The following ATRNL1 variants were observed in gnomAD, a reference collection of about 807,000 sequenced individuals.
The protein encoded by ATRNL1 is attractin-like protein 1.
A neutral mutation model predicts 182.7 loss-of-function variants in ATRNL1; 95 were observed. The ratio of observed to expected loss-of-function variants is 0.52; its 90% confidence interval spans 0.44 to 0.62. The LOEUF (loss-of-function observed/expected upper bound fraction) is 0.62. ATRNL1 is among the 20% of genes least tolerant of loss of function. The pLI, the probability that ATRNL1 is intolerant of heterozygous loss-of-function variation, is 0.00. For missense variants in ATRNL1, 1,471 were observed against 1,679.5 expected (o/e 0.88, Z 2.17); for synonymous variants, 576 against 568.3 (o/e 1.01, Z -0.19).
At chr10:115,826,961 C>T (rs1488643725) in intron 27 of ATRNL1, among the ~76,000 whole-genome samples, 1 of 152,060 alleles carries the variant, frequency 6.6e-6, no homozygotes, top group Non-Finnish European at 1.5e-5. Context: ...CAAGTTTCAC[C>T]AGGGACCCAT....
chr10:115,792,076 A>C (rs782560189), intron 27 of ATRNL1, among the ~76,000 whole-genome samples: 40 of 152,256 alleles, frequency 2.6e-4, no homozygotes, highest in Admixed American at 9.2e-4. Flanking sequence ...TTCAGCAAGC[A>C]TACTGCTTCA....
At chr10:115,100,549 T>C (rs1843733095) in intron 1 of ATRNL1, among the ~76,000 whole-genome samples, 1 of 152,222 alleles carries the variant, frequency 6.6e-6, no homozygotes, top group African/African-American at 2.4e-5. Context: ...GCACCTTTGT[T>C]GAAACCATTC....
chr10:115,104,779 C>T (rs983039841), intron 1 of ATRNL1, among the ~76,000 whole-genome samples: 2 of 152,272 alleles, frequency 1.3e-5, no homozygotes, highest in South Asian at 2.1e-4. Context: ...CCAGTATTCC[C>T]AGCACAATTT....
chr10:115,370,949 C>T (rs1857362637), intron 19 of ATRNL1, among the ~76,000 whole-genome samples: 1 of 152,114 alleles, frequency 6.6e-6, no homozygotes, highest in Admixed American at 6.5e-5. Flanking sequence ...CTGCTGTGTC[C>T]AGTCTAGGGA....
intron 7 of ATRNL1, among the ~76,000 whole-genome samples, chr10:115,168,041 A>T (rs543193809): frequency 6.6e-6 from 1 of 152,148 alleles, no homozygotes; most frequent in Admixed American, 6.6e-5. Flanking sequence ...CTTTCTCTAT[A>T]TATTGGTCCA....
At chr10:115,291,781 A>C (rs934491546) in intron 15 of ATRNL1, among the ~76,000 whole-genome samples, 1 of 135,862 alleles carries the variant, frequency 7.4e-6, no homozygotes, top group Non-Finnish European at 1.6e-5. Flanking sequence ...GCATTGTTGC[A>C]TATGTTCATC....
chr10:115,521,418 G>C (rs1850928211), intron 25 of ATRNL1, among the ~76,000 whole-genome samples: 1 of 152,092 alleles, frequency 6.6e-6, no homozygotes, highest in Non-Finnish European at 1.5e-5. Flanking sequence ...CTCCCAAAGT[G>C]CTGGGATTAC....
intron 5 of ATRNL1, among the ~76,000 whole-genome samples, chr10:115,147,946 C>CT (rs1846044578): frequency 6.6e-6 from 1 of 151,938 alleles, no homozygotes; most frequent in African/African-American, 2.4e-5. Context: ...CTATTGGCCT[C>CT]TTTTTTGGTT....
At chr10:115,442,247 C>G (rs11197213) in intron 21 of ATRNL1, among the ~76,000 whole-genome samples, 43,386 of 142,740 alleles carry the variant, frequency 0.3, 7,730 homozygotes, top group Middle Eastern at 0.45. Context: ...TCAAACAGCG[C>G]AGCTTCATTT....
At chr10:115,798,137 T>G (rs1334686769) in intron 27 of ATRNL1, among the ~76,000 whole-genome samples, 1 of 152,130 alleles carries the variant, frequency 6.6e-6, no homozygotes, top group Non-Finnish European at 1.5e-5. Context: ...CAGGATGGTC[T>G]CGATCTCCTG....
intron 21 of ATRNL1, among the ~76,000 whole-genome samples, chr10:115,441,979 C>T (rs1846704841): frequency 6.6e-6 from 1 of 151,964 alleles, no homozygotes; most frequent in African/African-American, 2.4e-5. Context: ...CCCACCCTGT[C>T]CAAGGCACTG....
At chr10:115,715,549 C>T (rs1164880286) in intron 26 of ATRNL1, among the ~76,000 whole-genome samples, 2 of 152,138 alleles carry the variant, frequency 1.3e-5, no homozygotes, top group Non-Finnish European at 1.5e-5. Flanking sequence ...TCTTTGCCCC[C>T]AAAGGGCATT....
At chr10:115,212,549 A>G (rs1849071858) in intron 8 of ATRNL1, among the ~76,000 whole-genome samples, 1 of 152,096 alleles carries the variant, frequency 6.6e-6, no homozygotes, top group Non-Finnish European at 1.5e-5. Context: ...AGACACATGC[A>G]CATGTATGTT....
chr10:115,778,554 G>A lies in ATRNL1; in HGVS notation c.3903+51199G>A, dbSNP rs185002621. Among the ~76,000 whole-genome samples, 86 of 152,250 alleles carry A rather than the reference G, an allele frequency of 5.6e-4. No homozygotes were observed. The East Asian group carries it at 7.9e-3, about 14-fold the overall frequency. ...AAGGGATAAGAATGATCCAATGAAC[G>A]AACTAAATCATATGCATGACATCGA... is the stretch of plus-strand genomic sequence containing the variant. On this transcript the variant is annotated intron_variant, in intron 27 of 28. Coordinates refer to ENST00000355044, the MANE Select transcript of ATRNL1 (RefSeq NM_207303.4).
At chr10:115,196,938 A>T (rs1032033485) in intron 8 of ATRNL1, among the ~76,000 whole-genome samples, 1 of 152,112 alleles carries the variant, frequency 6.6e-6, no homozygotes, top group African/African-American at 2.4e-5. Flanking sequence ...TACACTACTG[A>T]GTAGAAGTAG....
At chr10:115,494,964 C>G (rs564800678) in intron 24 of ATRNL1, among the ~76,000 whole-genome samples, 2 of 152,066 alleles carry the variant, frequency 1.3e-5, no homozygotes, top group African/African-American at 2.4e-5. Flanking sequence ...TCTGTCTGGT[C>G]TTGGGTTTTT....
rs547299286 is a variant in ATRNL1 at position 115,817,060 on chromosome 10, T to C, written c.3904-30817T>C. Among the ~76,000 whole-genome samples the C allele has an allele frequency of 8.5e-5, 13 of 152,224 alleles. No individual in the cohort carries two copies. The South Asian group carries it at 2.7e-3, about 32-fold the overall frequency. On this transcript the variant is annotated intron_variant, in intron 27 of 28. Transcript: ENST00000355044. Reference sequence around the variant, plus strand: ...GGCTAGATTGGAAATAAAGAGCTTATAGACCCTTCAGAATCCCCATGCCTT... The same window carrying C: ...GGCTAGATTGGAAATAAAGAGCTTACAGACCCTTCAGAATCCCCATGCCTT...
At chr10:115,149,094 G>T (rs1846100340) in intron 5 of ATRNL1, among the ~76,000 whole-genome samples, 1 of 152,008 alleles carries the variant, frequency 6.6e-6, no homozygotes, top group African/African-American at 2.4e-5. Context: ...AGGGCCCAGA[G>T]GATTTGTTGG....
At chr10:115,402,749 C>G (rs923374730) in intron 20 of ATRNL1, among the ~76,000 whole-genome samples, 7 of 152,100 alleles carry the variant, frequency 4.6e-5, no homozygotes, top group African/African-American at 1.7e-4. Flanking sequence ...TGCTAATTAA[C>G]TTATAACTGG....
Sources: gnomAD v4.1 joint callset for allele counts (sites outside exome capture counted in the v4.1 genomes callset) on GRCh38, gnomAD v4.1.1 for gene constraint, MANE v1.5 for transcripts, NCBI Gene and HGNC (gene_info 2026-07-23, HGNC 2026-07-21) for gene names.